Variants in MAN1B1 observed in about 807,000 individuals in gnomAD.
MAN1B1 encodes endoplasmic reticulum mannosyl-oligosaccharide 1,2-alpha-mannosidase.
A neutral mutation model predicts 75.5 loss-of-function variants in MAN1B1; 66 were observed. The ratio of observed to expected loss-of-function variants is 0.87; its 90% CI spans 0.72 to 1.07. The LOEUF (loss-of-function observed/expected upper bound fraction) is 1.07, where lower values mean the gene tolerates loss of function less well. Among genes scored for constraint, MAN1B1 ranks in the 50% least tolerant of loss-of-function variants. MAN1B1 has a pLI of 0.00. For synonymous variants in MAN1B1, 453 were observed against 382.8 expected (o/e 1.18, Z -2.14); for missense variants, 973 against 912.5 (o/e 1.07, Z -0.85).
intron 3 of MAN1B1, among the ~76,000 whole-genome samples, chr9:137,093,027 G>A (rs544955603): frequency 2.0e-5 from 3 of 152,164 alleles, no homozygotes; most frequent in East Asian, 1.9e-4. Context: ...GACTTCATCC[G>A]GCTTAGAAAT....
rs1175483091 is a variant in MAN1B1 at position 137,099,736 on chromosome 9, C to T, written c.771C>T (p.Phe257=). 3 of 1,614,220 alleles carry T rather than the reference C, an allele frequency of 1.9e-6. No homozygotes were observed. The South Asian group carries it at 3.3e-5, about 18-fold the overall frequency. Reference sequence around the variant, plus strand: ...GCCAGAAGGGCGTGATTGACGTCTTCCTGCATGCATGGAAAGGATACCGCA... The same window carrying T: ...GCCAGAAGGGCGTGATTGACGTCTTTCTGCATGCATGGAAAGGATACCGCA... ...NYRQKGVIDV[F]LHAWKGYRKF... is the part of the protein sequence containing the mutation. Residue 257 remains phenylalanine (F), a synonymous_variant, in exon 6 of 13, where the codon TTC becomes TTT. Transcript: ENST00000371589.
chr9:137,093,036 A>G (rs144185007), intron 3 of MAN1B1, among the ~76,000 whole-genome samples: 2 of 152,330 alleles, frequency 1.3e-5, no homozygotes, highest in Non-Finnish European at 2.9e-5. Context: ...CGGCTTAGAA[A>G]TTAGTTTTAG....
rs1363524168 is a variant in MAN1B1, at chr9:137,096,304, A to G, written c.533A>G (p.Lys178Arg). ...ATTAGACCCCCAAGCCAAGACCTGA[A>G]GGATGGGACCCAGGAGGAGGCCACA... Reference protein sequence around the residue: ...LQIRPPSQDLKDGTQEEATKR... With the variant: ...LQIRPPSQDLRDGTQEEATKR... The change falls in exon 4 of 13, where the codon AAG becomes AGG. Residue 178 changes from lysine to arginine, a missense_variant. Lys to Arg is a conservative substitution (Grantham distance 26). Transcript: ENST00000371589. 1 of 1,614,026 alleles carries G rather than the reference A, an allele frequency of 6.2e-7. No homozygotes were observed. Among genetic ancestry groups the G allele is most frequent in the South Asian group, 1.1e-5 (1 of 91,080 alleles).
chr9:137,096,078 T>C lies in MAN1B1; in HGVS notation c.466-159T>C, dbSNP rs7871579. On this transcript the variant is annotated intron_variant, in intron 3 of 12. Transcript: ENST00000371589. ...TCCCCAGGCTCCTAAGGAGCTGTCT[T>C]CTGAAGCTGCCTGTCGTATTGAAAA... is the stretch of plus-strand genomic sequence containing the variant. Among the ~76,000 whole-genome samples, 29,553 of 152,166 alleles carry C rather than the reference T, an allele frequency of 0.19. 3,324 individuals are homozygous for C. Among genetic ancestry groups the C allele is most frequent in the East Asian group, 0.43 (2,239 of 5,170 alleles).
rs764568057 is a variant in MAN1B1 at position 137,109,033 on chromosome 9, G to T, written c.*442G>T. The T allele has an allele frequency of 4.1e-5, 19 of 458,550 alleles. No individual in the cohort carries two copies. Among genetic ancestry groups the T allele is most frequent in the Non-Finnish European group, 6.1e-5 (14 of 228,568 alleles). 28.4% of individuals were successfully genotyped at this position (458,550 alleles called of 1,614,324 possible). A position where few individuals can be genotyped will look rare whatever the true frequency, so the allele number is the denominator to read the frequency against. On this transcript the variant is annotated 3_prime_UTR_variant, in exon 13 of 13. Transcript: ENST00000371589. ...GTGACTCCAGAGGCCTGAGGCTCCAGGGCTGGCTCTGGTGTTTACAAGCTG... is the reference window on the plus strand; with the variant it reads ...GTGACTCCAGAGGCCTGAGGCTCCATGGCTGGCTCTGGTGTTTACAAGCTG...
chr9:137,100,549 G>C (rs1830782096), intron 6 of MAN1B1, among the ~76,000 whole-genome samples: 1 of 152,206 alleles, frequency 6.6e-6, no homozygotes, highest in African/African-American at 2.4e-5. Context: ...TTGAGATGGA[G>C]TCTTTCACTG....
chr9:137,094,078 A>AATC (rs1337794081), intron 3 of MAN1B1, among the ~76,000 whole-genome samples: 1 of 149,980 alleles, frequency 6.7e-6, no homozygotes, highest in Non-Finnish European at 1.5e-5. Context: ...GCAGTGGCAC[A>AATC]ATCTCCACTC....
rs794729645 is a variant in MAN1B1, at chr9:137,106,142, GAC to G, written c.1276_1277del (p.Gln426AlafsTer41). On this transcript the variant is annotated frameshift_variant, in exon 9 of 13. Transcript: ENST00000371589. LOFTEE classifies it high-confidence loss of function. Reference sequence around the variant, plus strand: ...TGCCGCAGGAGGCAGTGGAGAAGGTGACACAGCACATCCACGGCCTGTCTGGG... The same window carrying G: ...TGCCGCAGGAGGCAGTGGAGAAGGTGACAGCACATCCACGGCCTGTCTGGG... ...KKFQEAVEKVTQHIHGLSGKK... is the reference protein window; with the variant it reads ...KKFQEAVEKVXQHIHGLSGKK... 6.2e-7 allele frequency: 1 copy of G among 1,612,998 alleles called. No individual in the cohort carries two copies.
chr9:137,108,251 C>A, intron 12 of MAN1B1, 137 bp from the exon 13 acceptor site: 1 of 767,628 alleles, frequency 1.3e-6, no homozygotes, highest in East Asian at 2.6e-5. Context: ...CTGGGGGTGG[C>A]CATCATCCAG....
chr9:137,106,889 G>GAAA (rs1554758788), intron 10 of MAN1B1, 80 bp downstream of exon 10: 5 of 1,571,238 alleles, frequency 3.2e-6, no homozygotes, highest in Non-Finnish European at 4.3e-6. Flanking sequence ...ATGTCAAAAA[G>GAAA]AACGAAATCC....
intron 5 of MAN1B1, 94 bp from the exon 6 acceptor site, chr9:137,099,602 A>T: frequency 7.2e-7 from 1 of 1,379,546 alleles, no homozygotes; most frequent in Non-Finnish European, 1.0e-6. Flanking sequence ...TCTTTGCCCC[A>T]TGGGGGTCAC....
At chr9:137,087,481 G>T (rs1393476359) in intron 1 of MAN1B1, 1 of 672,230 alleles carries the variant, frequency 1.5e-6, no homozygotes, top group Non-Finnish European at 2.7e-6. Flanking sequence ...TCTGGGCTTC[G>T]TTCGCTTTTC....
Position 137,109,063 on chromosome 9 carries a change from C to T in MAN1B1, c.*472C>T. 1 of 456,064 alleles carries T rather than the reference C, an allele frequency of 2.2e-6. No individual in the cohort carries two copies. The highest frequency in any genetic ancestry group is 4.4e-6 in the Non-Finnish European group (1 of 227,226). 28.3% of individuals were successfully genotyped at this position (456,064 alleles called of 1,614,324 possible). A position where few individuals can be genotyped will look rare whatever the true frequency, so the allele number is the denominator to read the frequency against. Reference sequence around the variant, plus strand: ...GGCTCTGGTGTTTACAAGCTGGACTCAGGGATCCTCCTGGCCGCCCCGCAG... The same window carrying T: ...GGCTCTGGTGTTTACAAGCTGGACTTAGGGATCCTCCTGGCCGCCCCGCAG... On this transcript the variant is annotated 3_prime_UTR_variant, in exon 13 of 13. Transcript: ENST00000371589.
intron 8 of MAN1B1, 187 bp downstream of exon 8, chr9:137,101,859 G>T: frequency 1.3e-6 from 1 of 755,038 alleles, no homozygotes; most frequent in South Asian, 1.5e-5. Flanking sequence ...TCACGCTGTT[G>T]CAGGCGTGCA....
At chr9:137,107,501 G>T in intron 11 of MAN1B1, 30 bp from the exon 12 acceptor site, 1 of 1,612,968 alleles carries the variant, frequency 6.2e-7, no homozygotes, top group Admixed American at 1.7e-5. Context: ...GGCAGGGCTG[G>T]CCTTGCCCTG....
intron 1 of MAN1B1, chr9:137,087,553 G>T (rs1052026754): frequency 3.5e-6 from 2 of 565,400 alleles, no homozygotes; most frequent in Non-Finnish European, 6.7e-6. Flanking sequence ...TCCCCGTGGT[G>T]TATGCTCCCC....
In MAN1B1 at chr9:137,108,911, T is replaced by G; in HGVS notation, c.*320T>G. On this transcript the variant is annotated 3_prime_UTR_variant, in exon 13 of 13. Coordinates refer to ENST00000371589, the MANE Select transcript of MAN1B1 (RefSeq NM_016219.5). ...CAGAGGGGGGCTTCGAGGTGGTCCC[T>G]GGTACTGGGGTGACCGAGTGGACAG... 1.9e-6 allele frequency: 1 copy of G among 521,698 alleles called. No homozygotes were observed. The highest frequency in any genetic ancestry group is 3.7e-6 in the Non-Finnish European group (1 of 270,322). The allele number at this position is 521,698 out of a possible 1,614,324, so 32.3% of individuals were successfully genotyped here.
rs761820151 is a variant in MAN1B1 at position 137,101,522 on chromosome 9, A to G, written c.1104A>G (p.Thr368=). The G allele has an allele frequency of 1.2e-6, 2 of 1,613,766 alleles. No individual in the cohort carries two copies. Among genetic ancestry groups the G allele is most frequent in the East Asian group, 4.5e-5 (2 of 44,890 alleles). ...ATCGGCTAATGCCTGCCTTCAGAACACCATCCAAGATTCCTTACTCGGATG... is the reference window on the plus strand; with the variant it reads ...ATCGGCTAATGCCTGCCTTCAGAACGCCATCCAAGATTCCTTACTCGGATG... ...FGNRLMPAFR[T]PSKIPYSDVN... Residue 368 remains threonine (T), a synonymous_variant, in exon 8 of 13, where the codon ACA becomes ACG. Coordinates refer to ENST00000371589, the MANE Select transcript of MAN1B1 (RefSeq NM_016219.5).
rs138723773 is a variant in MAN1B1 at position 137,101,044 on chromosome 9, A to C, written c.956A>C (p.His319Pro). 3 of 1,614,078 alleles carry C rather than the reference A, an allele frequency of 1.9e-6. No individual in the cohort carries two copies. The highest frequency in any genetic ancestry group is 1.6e-4 in the Middle Eastern group (1 of 6,084). Residue 319 changes from histidine to proline, a missense_variant, in exon 7 of 13, where the codon CAC becomes CCC. Coordinates refer to ENST00000371589, the MANE Select transcript of MAN1B1 (RefSeq NM_016219.5). ...EARKWVSKKL[H>P]FEKDVDVNLF... ...AGGAAGTGGGTGTCGAAGAAGTTAC[A>C]CTTTGAAAAGGACGTGGACGTCAAC...
Sources: allele counts gnomAD v4.1 joint callset (sites outside exome capture counted in the v4.1 genomes callset), GRCh38; gene constraint gnomAD v4.1.1; transcripts MANE v1.5; gene names NCBI Gene and HGNC (gene_info 2026-07-23, HGNC 2026-07-21).